The following CPB1 variants were observed in gnomAD, a reference collection of about 807,000 sequenced individuals.
The protein encoded by CPB1 is carboxypeptidase B1.
Under a neutral mutation model 51.4 loss-of-function variants are expected in CPB1, and 53 were observed. The observed-to-expected ratio is 1.03, with a 90% confidence interval of 0.83 to 1.30. The LOEUF (loss-of-function observed/expected upper bound fraction) is 1.30. Ranked by LOEUF, CPB1 falls within the 50% of genes most tolerant of loss-of-function variation. The pLI, the probability that CPB1 is intolerant of heterozygous loss-of-function variation, is 0.00. For missense variants in CPB1, 494 were observed against 516.2 expected, an observed-to-expected ratio of 0.96 and a Z score of 0.42; for synonymous variants, 189 against 186.9, an observed-to-expected ratio of 1.01 and a Z score of -0.09.
rs867311448 is a variant in CPB1 at position 148,840,626 on chromosome 3, G to T, written c.273-60G>T. 4.6e-5 allele frequency: 66 copies of T among 1,430,830 alleles called. No individual in the cohort carries two copies. In the South Asian group the frequency reaches 6.4e-4, roughly 14 times the overall value. 88.6% of individuals were successfully genotyped at this position (1,430,830 alleles called of 1,614,324 possible). On this transcript the variant is annotated intron_variant, in intron 3 of 10. Transcript: ENST00000282957. ...AAGCAGTGGCTCTGGGGTTTTATGTGTGTTCACTGGAGAAAAATACACTTA... is the reference window on the plus strand; with the variant it reads ...AAGCAGTGGCTCTGGGGTTTTATGTTTGTTCACTGGAGAAAAATACACTTA...
In CPB1 at chr3:148,845,539, G is replaced by A; in HGVS notation, c.894G>A (p.Lys298=). 1 of 1,613,898 alleles carries A rather than the reference G, an allele frequency of 6.2e-7. No individual in the cohort carries two copies. ...DFIRNKLSSI[K]AYLTIHSYSQ... ...TCCGCAACAAACTCTCTTCCATCAAGGCATATCTGACAATCCACTCGTACT... is the reference window on the plus strand; with the variant it reads ...TCCGCAACAAACTCTCTTCCATCAAAGCATATCTGACAATCCACTCGTACT... The change falls in exon 9 of 11, where the codon AAG becomes AAA. Residue 298 remains lysine, a synonymous_variant. Coordinates refer to ENST00000282957, the MANE Select transcript of CPB1 (RefSeq NM_001871.3).
chr3:148,834,380 G>A, intron 2 of CPB1, 118 bp from the exon 3 acceptor site: 1 of 1,004,632 alleles, frequency 1.0e-6, no homozygotes, highest in Non-Finnish European at 1.5e-6. Flanking sequence ...ATTTTCAACA[G>A]ATTTCATGGA....
rs1712841416 is a variant in CPB1, at chr3:148,834,633, G to A, written c.272+11G>A. On this transcript the variant is annotated intron_variant, in intron 3 of 10. Transcript: ENST00000282957. ...TGAACTACAATACAAGTAAGTTTAT[G>A]TTTTATAAATATTAAAATTCTCTCC... 1.9e-6 allele frequency: 3 copies of A among 1,596,896 alleles called. No individual in the cohort carries two copies. Among genetic ancestry groups the A allele is most frequent in the Non-Finnish European group, 2.6e-6 (3 of 1,166,964 alleles).
At position 148,829,011 on chromosome 3, in the gene CPB1, A is replaced by T. The variant is rs978386371; in HGVS notation, c.147+934A>T. ...TACTCCTGGTAAAACCTGTTTGAGT[A>T]CTTCCAGGAATAGTTTGTATACTAC... On this transcript the variant is annotated intron_variant, in intron 2 of 10. Coordinates refer to ENST00000282957, the MANE Select transcript of CPB1 (RefSeq NM_001871.3). Among the ~76,000 whole-genome samples, 10 of 152,330 alleles carry T rather than the reference A, an allele frequency of 6.6e-5. 1 individual carries two copies. Among genetic ancestry groups the T allele is most frequent in the Admixed American group, 1.3e-4 (2 of 15,292 alleles).
Position 148,859,920 on chromosome 3 carries a change from A to T in CPB1, c.1172A>T (p.Glu391Val), listed in dbSNP as rs759354703. The change falls in exon 11 of 11, where the codon GAA becomes GTA. Residue 391 changes from glutamate (E) to valine (V), a missense_variant. Coordinates refer to ENST00000282957, the MANE Select transcript of CPB1 (RefSeq NM_001871.3). Reference sequence around the variant, plus strand: ...GGCAGATATGGCTTTCTCCTTCCAGAATCCCAGATCCGGGCTACCTGCGAG... The same window carrying T: ...GGCAGATATGGCTTTCTCCTTCCAGTATCCCAGATCCGGGCTACCTGCGAG... ...DTGRYGFLLP[E>V]SQIRATCEET... is the part of the protein sequence containing the mutation. The T allele has an allele frequency of 1.9e-6, 3 of 1,614,124 alleles. No homozygotes were observed. The highest frequency in any genetic ancestry group is 2.5e-6 in the Non-Finnish European group (3 of 1,180,012).
In CPB1 at chr3:148,844,708, A is replaced by G. The variant is rs1489213965; in HGVS notation, c.719A>G (p.His240Arg). The G allele has an allele frequency of 6.2e-7, 1 of 1,613,976 alleles. No individual in the cohort carries two copies. ...TTTTGGAGAAAGACTCGCTCCACCC[A>G]TACTGGATCTAGCTGCATTGGCACA... Reference protein sequence around the residue: ...SRFWRKTRSTHTGSSCIGTDP... With the variant: ...SRFWRKTRSTRTGSSCIGTDP... The change falls in exon 8 of 11, where the codon CAT becomes CGT. Residue 240 changes from histidine (H) to arginine (R), a missense_variant. His to Arg is a conservative substitution (Grantham distance 29, BLOSUM62 0). Transcript: ENST00000282957.
intron 9 of CPB1, chr3:148,856,367 C>A (rs543371795): frequency 1.3e-5 from 2 of 152,176 alleles, no homozygotes; most frequent in African/African-American, 2.4e-5. Flanking sequence ...TACGGCCACG[C>A]CCTCATCAGT....
chr3:148,828,743 C>T (rs75012392), intron 2 of CPB1, among the ~76,000 whole-genome samples: 4,564 of 152,262 alleles, frequency 0.03, 135 homozygotes, highest in South Asian at 0.11. Flanking sequence ...TGGGCCAATG[C>T]CGTTTCTTCA....
At chr3:148,833,535 G>T (rs1712799988) in intron 2 of CPB1, among the ~76,000 whole-genome samples, 1 of 152,024 alleles carries the variant, frequency 6.6e-6, no homozygotes, top group Non-Finnish European at 1.5e-5. Context: ...CATATCTCTA[G>T]CCCCAAAGCA....
At chr3:148,858,782 G>A (rs557622766) in intron 10 of CPB1, among the ~76,000 whole-genome samples, 3 of 152,138 alleles carry the variant, frequency 2.0e-5, no homozygotes, top group South Asian at 2.1e-4. Flanking sequence ...CATTCCACAG[G>A]CCTCATTTTC....
At chr3:148,847,580 C>T (rs955157338) in intron 9 of CPB1, among the ~76,000 whole-genome samples, 10 of 152,042 alleles carry the variant, frequency 6.6e-5, no homozygotes, top group African/African-American at 2.4e-4. Context: ...CTAAGAGTCA[C>T]TTCTTTGTTT....
chr3:148,858,581 A>AC (rs1379245592), intron 10 of CPB1, among the ~76,000 whole-genome samples: 1 of 151,996 alleles, frequency 6.6e-6, no homozygotes, highest in Admixed American at 6.5e-5. Flanking sequence ...TCAAAAAAAA[A>AC]AAGACAGAGT....
In CPB1 at chr3:148,827,877, T is replaced by C. The variant is rs751423671; in HGVS notation, c.54T>C (p.Gly18=). The part of the protein sequence containing the change: ...VTVALASAHH[G]GEHFEGEKVF... ...TGGCCCTGGCATCTGCTCATCATGG[T>C]GGTGAGCACTTTGAAGGGTAAGTAA... The change falls in exon 1 of 11, where the codon GGT becomes GGC. Residue 18 remains glycine, a synonymous_variant. Transcript: ENST00000282957. 9.3e-6 allele frequency: 15 copies of C among 1,614,038 alleles called. No individual in the cohort carries two copies. The East Asian group carries it at 3.1e-4, about 34-fold the overall frequency.
chr3:148,857,479 TG>T lies in CPB1; in HGVS notation c.1005del (p.Glu337AsnfsTer83), dbSNP rs761734573. ...CAGAATGCCCTGGCTAAAGCTACTG[TG>T]AAAGAACTTGCCTCACTGCACGGCA... ...AELNALAKAT[V>X]KELASLHGTK... On this transcript the variant is annotated frameshift_variant, in exon 10 of 11. Coordinates refer to ENST00000282957, the MANE Select transcript of CPB1 (RefSeq NM_001871.3). LOFTEE classifies it high-confidence loss of function. 2 of 1,614,020 alleles carry T rather than the reference TG, an allele frequency of 1.2e-6. No individual in the cohort carries two copies. Among genetic ancestry groups the T allele is most frequent in the South Asian group, 2.2e-5 (2 of 91,080 alleles).
chr3:148,840,850 T>C, intron 4 of CPB1, 24 bp from the exon 5 acceptor site: 1 of 1,613,694 alleles, frequency 6.2e-7, no homozygotes, highest in Non-Finnish European at 8.5e-7. Context: ...GCCACATTGA[T>C]CTACAAATGA....
At chr3:148,836,127 G>T (rs965536196) in intron 3 of CPB1, among the ~76,000 whole-genome samples, 1 of 151,400 alleles carries the variant, frequency 6.6e-6, no homozygotes, top group Non-Finnish European at 1.5e-5. Context: ...TGCTGCTATG[G>T]TTTACTGTTG....
intron 10 of CPB1, 88 bp from the exon 11 acceptor site, chr3:148,859,727 A>T: frequency 7.4e-7 from 1 of 1,343,224 alleles, no homozygotes; most frequent in Admixed American, 2.3e-5. Flanking sequence ...GCACAGTGAA[A>T]CATTTGTAAT....
Position 148,838,314 on chromosome 3 carries a change from G to A in CPB1, c.273-2372G>A, listed in dbSNP as rs183286523. 5.6e-4 allele frequency: 85 copies of A among 150,710 alleles called. 3 individuals carry two copies. Among genetic ancestry groups the A allele is most frequent in the Admixed American group, 4.8e-3 (72 of 15,134 alleles). The allele number at this position is 150,710 out of a possible 1,614,324, so 9.3% of individuals were successfully genotyped here. A position where few individuals can be genotyped will look rare whatever the true frequency, so the allele number is the denominator to read the frequency against. ...CTCAAGGGTTGGGTGCAGGTAAGAG[G>A]ATAGCAATATGTTCTGGAAGCTTTG... On this transcript the variant is annotated intron_variant, in intron 3 of 10. Transcript: ENST00000282957.
intron 9 of CPB1, chr3:148,855,286 G>A (rs958762260): frequency 6.6e-6 from 1 of 152,130 alleles, no homozygotes; most frequent in African/African-American, 2.4e-5. Flanking sequence ...GTGCACCTGT[G>A]ACAGGAATAA....
Sources: gnomAD v4.1 joint callset for allele counts (sites outside exome capture counted in the v4.1 genomes callset) on GRCh38, gnomAD v4.1.1 for gene constraint, MANE v1.5 for transcripts, NCBI Gene and HGNC (gene_info 2026-07-23, HGNC 2026-07-21) for gene names.